The following RBFOX1 variants were observed in gnomAD, a reference collection of about 807,000 sequenced individuals.
RBFOX1 encodes the protein RNA binding protein fox-1 homolog 1.
Under a neutral mutation model 57.7 loss-of-function variants are expected in RBFOX1, and 8 were observed. That is an observed-to-expected ratio of 0.14 (90% CI 0.08 to 0.25). RBFOX1 has a LOEUF of 0.25. Among genes scored for constraint, RBFOX1 ranks in the 10% least tolerant of loss-of-function variants. The pLI, the probability that RBFOX1 is intolerant of heterozygous loss-of-function variation, is 1.00. For synonymous variants in RBFOX1, 326 were observed against 222.4 expected (o/e 1.47, Z -4.15); for missense variants, 611 against 548.5 (o/e 1.11, Z -1.14).
At chr16:5,876,846 C>T (rs1205994861) in intron 4 of RBFOX1, among the ~76,000 whole-genome samples, 2 of 152,160 alleles carry the variant, frequency 1.3e-5, no homozygotes, top group African/African-American at 2.4e-5. Flanking sequence ...TTGCATAATT[C>T]CAAGGATTCA....
chr16:7,357,020 A>G (rs2097227169), intron 4 of RBFOX1, among the ~76,000 whole-genome samples: 1 of 152,160 alleles, frequency 6.6e-6, no homozygotes, highest in Non-Finnish European at 1.5e-5. Flanking sequence ...ACCAGCAGAA[A>G]GCTTTTGGGC....
chr16:6,367,527 C>A (rs535533039), intron 2 of RBFOX1, among the ~76,000 whole-genome samples: 4 of 152,266 alleles, frequency 2.6e-5, no homozygotes, highest in African/African-American at 9.6e-5. Flanking sequence ...ATCTCGGCCT[C>A]CCAAAGTGCT....
intron 2 of RBFOX1, among the ~76,000 whole-genome samples, chr16:6,471,820 C>A (rs74005214): frequency 0.014 from 2,061 of 152,194 alleles, 34 homozygotes; most frequent in African/African-American, 0.036. Context: ...TCTGGAGATT[C>A]TAGCAGGGAT....
chr16:5,610,283 G>T (rs556443118), intron 3 of RBFOX1: 1 of 152,362 alleles, frequency 6.6e-6, no homozygotes, highest in Non-Finnish European at 1.5e-5. Context: ...GTGAGCAGCT[G>T]CTGTACACTC....
intron 2 of RBFOX1, among the ~76,000 whole-genome samples, chr16:6,393,734 G>A (rs924221998): frequency 5.9e-5 from 9 of 152,168 alleles, no homozygotes; most frequent in Non-Finnish European, 1.3e-4. Flanking sequence ...TTTAAGGAAA[G>A]GCAAGGCTGT....
chr16:6,628,317 G>A (rs1014712322), intron 2 of RBFOX1, among the ~76,000 whole-genome samples: 3 of 152,090 alleles, frequency 2.0e-5, no homozygotes, highest in Admixed American at 6.5e-5. Flanking sequence ...GAAAACTACC[G>A]GTATCTTCCT....
At chr16:5,924,673 C>G (rs537510388) in intron 4 of RBFOX1, among the ~76,000 whole-genome samples, 2 of 152,186 alleles carry the variant, frequency 1.3e-5, no homozygotes, top group Non-Finnish European at 2.9e-5. Flanking sequence ...AAATAAACTT[C>G]TTTTCATTCT....
At chr16:5,578,182 C>T (rs1432942606) in intron 2 of RBFOX1, among the ~76,000 whole-genome samples, 1 of 152,132 alleles carries the variant, frequency 6.6e-6, no homozygotes, top group African/African-American at 2.4e-5. Context: ...GATCTCTTGA[C>T]CTCGTGATCC....
intron 3 of RBFOX1, among the ~76,000 whole-genome samples, chr16:6,884,823 A>C (rs1447947193): frequency 6.6e-6 from 1 of 152,166 alleles, no homozygotes; most frequent in African/African-American, 2.4e-5. Context: ...TCTTGAACTC[A>C]GGAGGTGGAG....
intron 3 of RBFOX1, among the ~76,000 whole-genome samples, chr16:6,898,192 C>G (rs1173410574): frequency 6.6e-6 from 1 of 152,170 alleles, no homozygotes; most frequent in Non-Finnish European, 1.5e-5. Context: ...AGAATGCTTA[C>G]AGTCCATTGT....
chr16:6,619,086 A>G (rs1435061320), intron 2 of RBFOX1, among the ~76,000 whole-genome samples: 1 of 152,130 alleles, frequency 6.6e-6, no homozygotes, highest in Non-Finnish European at 1.5e-5. Context: ...TCAAGGTTGC[A>G]TACCAATTAA....
chr16:6,647,733 G>T (rs1342265530), intron 2 of RBFOX1, among the ~76,000 whole-genome samples: 1 of 152,120 alleles, frequency 6.6e-6, no homozygotes, highest in East Asian at 1.9e-4. Flanking sequence ...GATGAGGTGT[G>T]ATGTGTTGCA....
chr16:5,817,629 G>A (rs114394948), intron 3 of RBFOX1, among the ~76,000 whole-genome samples: 1,907 of 151,794 alleles, frequency 0.013, 53 homozygotes, highest in African/African-American at 0.044. Flanking sequence ...AGGGGAGAGA[G>A]AAAGGGGTTC....
intron 3 of RBFOX1, among the ~76,000 whole-genome samples, chr16:6,703,199 C>A (rs1344374388): frequency 6.6e-6 from 1 of 152,054 alleles, no homozygotes; most frequent in African/African-American, 2.4e-5. Context: ...GTTGTTTCCA[C>A]CTGTTGGCTA....
intron 14 of RBFOX1, among the ~76,000 whole-genome samples, chr16:7,695,137 T>A (rs2078385688): frequency 6.6e-6 from 1 of 152,144 alleles, no homozygotes; most frequent in Admixed American, 6.5e-5. Flanking sequence ...TTGATCACAT[T>A]TCAGATTGAG....
intron 4 of RBFOX1, among the ~76,000 whole-genome samples, chr16:7,227,285 A>T (rs956092021): frequency 9.6e-5 from 7 of 73,230 alleles, no homozygotes; most frequent in Non-Finnish European, 2.0e-4. Context: ...CACACACCCC[A>T]CCCCACCCCC....
chr16:7,682,566 T>C (rs754527232), intron 14 of RBFOX1, among the ~76,000 whole-genome samples: 16 of 151,776 alleles, frequency 1.1e-4, no homozygotes, highest in Admixed American at 1.3e-4. Context: ...TTTTAATCTT[T>C]TATTTTTACT....
chr16:5,257,685 A>C (rs527892716), intron 1 of RBFOX1, among the ~76,000 whole-genome samples: 1 of 152,118 alleles, frequency 6.6e-6, no homozygotes, highest in Admixed American at 6.5e-5. Flanking sequence ...CCTTTCTTCC[A>C]TGAAGCAAGG....
At chr16:7,094,616 A>C (rs907483300) in intron 4 of RBFOX1, among the ~76,000 whole-genome samples, 1 of 126,012 alleles carries the variant, frequency 7.9e-6, no homozygotes, top group Non-Finnish European at 1.6e-5. Flanking sequence ...GGACTCCTGC[A>C]TTTCTTTTGA....
Sources: gnomAD v4.1 joint callset for allele counts (sites outside exome capture counted in the v4.1 genomes callset) on GRCh38, gnomAD v4.1.1 for gene constraint, MANE v1.5 for transcripts, NCBI Gene and HGNC (gene_info 2026-07-23, HGNC 2026-07-21) for gene names.